PDCL3: variants seen among roughly 807,000 people sequenced by gnomAD.
The protein encoded by PDCL3 is phosducin-like protein 3.
PDCL3 carries 22 observed loss-of-function variants against 26.5 expected under a neutral mutation model. The observed-to-expected ratio is 0.83, with a 90% CI of 0.59 to 1.19. The LOEUF (loss-of-function observed/expected upper bound fraction) is 1.19. PDCL3 is among the 50% of genes most tolerant of loss of function. PDCL3 has a pLI of 0.00. For missense variants in PDCL3, 246 were observed against 294.1 expected, an observed-to-expected ratio of 0.84 and a Z score of 1.20; for synonymous variants, 81 against 104.9, an observed-to-expected ratio of 0.77 and a Z score of 1.39.
chr2:100,563,079 C>T lies in PDCL3; in HGVS notation c.6+6C>T, dbSNP rs1483982827. On this transcript the variant is annotated splice_donor_region_variant and intron_variant, in intron 1 of 5. Transcript: ENST00000264254. The stretch of plus-strand genomic sequence containing the variant: ...GAACTGGAAACAAGATGCAGGTGAG[C>T]TAGGACGGGTCTCGGGTCTGGGGGC... The T allele has an allele frequency of 6.2e-7, 1 of 1,603,964 alleles. No individual in the cohort carries two copies.
At chr2:100,574,473 A>T (rs1167740512) in intron 5 of PDCL3, among the ~76,000 whole-genome samples, 1 of 151,476 alleles carries the variant, frequency 6.6e-6, no homozygotes, top group Non-Finnish European at 1.5e-5. Flanking sequence ...TGACTGAGGT[A>T]TGATGACCAA....
chr2:100,575,428 C>G (rs900960118), intron 5 of PDCL3, among the ~76,000 whole-genome samples: 8 of 152,346 alleles, frequency 5.3e-5, no homozygotes, highest in South Asian at 2.1e-4. Flanking sequence ...TGCCACCGCG[C>G]CCGGCCTGGT....
intron 1 of PDCL3, among the ~76,000 whole-genome samples, chr2:100,564,035 C>CA (rs1400844054): frequency 6.6e-5 from 10 of 151,494 alleles, no homozygotes; most frequent in Non-Finnish European, 8.8e-5. Flanking sequence ...TGTCAGCCTC[C>CA]GGAGTAGCTG....
chr2:100,568,779 G>A (rs773210715), intron 2 of PDCL3, 152 bp from the exon 3 acceptor site: 28 of 631,978 alleles, frequency 4.4e-5, no homozygotes, highest in Non-Finnish European at 7.4e-5. Context: ...AGCTTCTAAT[G>A]TAGTGTGGTG....
chr2:100,569,082 T>G, intron 3 of PDCL3, 61 bp downstream of exon 3: 1 of 1,468,388 alleles, frequency 6.8e-7, no homozygotes, highest in Non-Finnish European at 9.4e-7. Context: ...TTTTGGTTTT[T>G]TTTTTGGCGT....
At chr2:100,569,803 G>A (rs1447961206) in intron 4 of PDCL3, 82 bp downstream of exon 4, 9 of 1,502,684 alleles carry the variant, frequency 6.0e-6, no homozygotes, top group Admixed American at 4.3e-5. Flanking sequence ...TATATCAGAG[G>A]GTTAAGAAAT....
At chr2:100,571,933 C>G (rs891242270) in intron 5 of PDCL3, 135 bp downstream of exon 5, 1 of 363,040 alleles carries the variant, frequency 2.8e-6, no homozygotes, top group African/African-American at 3.7e-5. Context: ...GACGGAAGCA[C>G]GTTTAATCTC....
chr2:100,567,045 G>A (rs1026525443), intron 2 of PDCL3, among the ~76,000 whole-genome samples: 1 of 152,152 alleles, frequency 6.6e-6, no homozygotes, highest in Admixed American at 6.5e-5. Flanking sequence ...GAGTCTGAGG[G>A]GGGTTTTCTC....
chr2:100,563,171 G>C, intron 1 of PDCL3, 98 bp downstream of exon 1: 2 of 1,449,852 alleles, frequency 1.4e-6, no homozygotes. Flanking sequence ...GGGAAGCTCC[G>C]GCGCCGCAGG....
intron 1 of PDCL3, among the ~76,000 whole-genome samples, chr2:100,566,028 C>G (rs780834648): frequency 7.2e-5 from 11 of 152,120 alleles, no homozygotes; most frequent in African/African-American, 1.2e-4. Context: ...CTCAGCCTCC[C>G]AAGTAGCTGG....
At chr2:100,575,336 C>CAT (rs1477252702) in intron 5 of PDCL3, among the ~76,000 whole-genome samples, 2 of 152,072 alleles carry the variant, frequency 1.3e-5, no homozygotes, top group African/African-American at 2.4e-5. Context: ...GGGGTTTCAC[C>CAT]GTGTTAGCCA....
rs1490102413 is a variant in PDCL3, at chr2:100,571,610, T to C, written c.389T>C (p.Ile130Thr). 1.2e-6 allele frequency: 2 copies of C among 1,613,076 alleles called. No homozygotes were observed. The highest frequency in any genetic ancestry group is 1.7e-5 in the Admixed American group (1 of 60,000). Residue 130 changes from isoleucine to threonine, a missense_variant, in exon 5 of 6, where the codon ATA becomes ACA. Physicochemically the swap from Ile to Thr is moderately conservative, Grantham distance 89. Transcript: ENST00000264254. ...YKQGIPLCAL[I>T]NQHLSGLARK... ...TATAGAATTCCCCTCTGTGCCCTGA[T>C]AAATCAGCACCTCAGTGGACTTGCC...
At position 100,563,065 on chromosome 2, in the gene PDCL3, A is replaced by C. The variant is rs1230554988; in HGVS notation, c.-3A>C. ...TGGTTTGAGCAACTGAACTGGAAAC[A>C]AGATGCAGGTGAGCTAGGACGGGTC... On this transcript the variant is annotated 5_prime_UTR_variant, in exon 1 of 6. Transcript: ENST00000264254. The C allele has an allele frequency of 1.2e-6, 2 of 1,604,986 alleles. No individual in the cohort carries two copies. Among genetic ancestry groups the C allele is most frequent in the Non-Finnish European group, 1.7e-6 (2 of 1,176,222 alleles).
chr2:100,575,370 C>T (rs553686679), intron 5 of PDCL3, among the ~76,000 whole-genome samples: 16 of 152,266 alleles, frequency 1.1e-4, no homozygotes, highest in East Asian at 7.7e-4. Flanking sequence ...CTCCAGACTT[C>T]GTGATCCGCC....
chr2:100,571,892 T>A, intron 5 of PDCL3, 94 bp downstream of exon 5: 5 of 1,307,220 alleles, frequency 3.8e-6, no homozygotes, highest in Non-Finnish European at 5.5e-6. Flanking sequence ...GTTACGATGG[T>A]GGGTCAAGTT....
intron 2 of PDCL3, among the ~76,000 whole-genome samples, chr2:100,568,200 A>C (rs1248513659): frequency 6.6e-6 from 1 of 152,238 alleles, no homozygotes; most frequent in East Asian, 1.9e-4. Flanking sequence ...ACATTAGAGA[A>C]GTCTGGGCTG....
chr2:100,563,192 G>A, intron 1 of PDCL3, 119 bp downstream of exon 1: 3 of 1,318,822 alleles, frequency 2.3e-6, no homozygotes, highest in Non-Finnish European at 3.1e-6. Context: ...CACGAGGGAG[G>A]CCCGGCGCGT....
intron 5 of PDCL3, 26 bp downstream of exon 5, chr2:100,571,824 G>C (rs1675180764): frequency 1.2e-6 from 2 of 1,609,590 alleles, no homozygotes; most frequent in Non-Finnish European, 1.7e-6. Context: ...GACAGGCGGG[G>C]CAGTGAGAGA....
At chr2:100,567,277 A>G (rs1164001231) in intron 2 of PDCL3, among the ~76,000 whole-genome samples, 2 of 152,218 alleles carry the variant, frequency 1.3e-5, no homozygotes, top group African/African-American at 2.4e-5. Flanking sequence ...AGAAGGATTT[A>G]TTAGAAAGTA....
Sources: allele counts gnomAD v4.1 joint callset (sites outside exome capture counted in the v4.1 genomes callset), GRCh38; gene constraint gnomAD v4.1.1; transcripts MANE v1.5; gene names NCBI Gene and HGNC (gene_info 2026-07-23, HGNC 2026-07-21).